Variants in SEPTIN10 observed in about 807,000 individuals in gnomAD.
SEPTIN10 encodes septin 10.
Under a neutral mutation model 54.8 loss-of-function variants are expected in SEPTIN10, and 66 were observed. That is an observed-to-expected ratio of 1.21 (90% confidence interval 0.99 to 1.48). The LOEUF (loss-of-function observed/expected upper bound fraction) is 1.48, where lower values mean the gene tolerates loss of function less well. Among genes scored for constraint, SEPTIN10 ranks in the 40% most tolerant of loss-of-function variants. The pLI is 0.00. For synonymous variants in SEPTIN10, 161 were observed against 181.0 expected (o/e 0.89, Z 0.89); for missense variants, 620 against 545.6 (o/e 1.14, Z -1.36).
intron 2 of SEPTIN10, among the ~76,000 whole-genome samples, chr2:109,592,141 T>C (rs935931730): frequency 6.6e-6 from 1 of 151,966 alleles, no homozygotes; most frequent in African/African-American, 2.4e-5. Flanking sequence ...AGGAGTTCTA[T>C]GCACCCACCA....
intron 10 of SEPTIN10, chr2:109,545,281 A>C (rs1680893883): frequency 7.0e-7 from 1 of 1,418,942 alleles, no homozygotes; most frequent in Non-Finnish European, 9.2e-7. Context: ...AGGGATACTT[A>C]AGTGGGAGAA....
At chr2:109,609,170 T>C (rs1158993492) in intron 1 of SEPTIN10, among the ~76,000 whole-genome samples, 1 of 152,212 alleles carries the variant, frequency 6.6e-6, no homozygotes, top group Non-Finnish European at 1.5e-5. Flanking sequence ...GGGGCTTCAT[T>C]AGAACATAAG....
rs547602200 is a variant in SEPTIN10, at chr2:109,557,829, A to G, written c.1029-4610T>C. Among the ~76,000 whole-genome samples the G allele has an allele frequency of 3.3e-5, 5 of 151,992 alleles. No individual in the cohort carries two copies. The East Asian group carries it at 5.8e-4, about 18-fold the overall frequency. ...ATACTATTCCCTTTTCTAGCATAAA[A>G]GTAGCTTGCTGTCATAATTTTCTTT... On this transcript the variant is annotated intron_variant, in intron 8 of 10. Coordinates refer to ENST00000397712, the MANE Select transcript of SEPTIN10 (RefSeq NM_144710.5).
At chr2:109,585,879 AC>A (rs764696133) in intron 2 of SEPTIN10, 41 bp from the exon 3 acceptor site, 3 of 1,510,198 alleles carry the variant, frequency 2.0e-6, no homozygotes, top group East Asian at 2.3e-5. Flanking sequence ...AATAAAAAAA[AC>A]AACTTTGACT....
intron 3 of SEPTIN10, 77 bp downstream of exon 3, chr2:109,585,644 G>C: frequency 3.1e-6 from 3 of 974,948 alleles, no homozygotes; most frequent in Non-Finnish European, 4.9e-6. Context: ...CATGAGCATT[G>C]TTCTGCCCAT....
intron 1 of SEPTIN10, among the ~76,000 whole-genome samples, chr2:109,596,190 C>A (rs557377662): frequency 6.6e-5 from 10 of 152,202 alleles, no homozygotes; most frequent in African/African-American, 1.9e-4. Context: ...CACCACCACA[C>A]CCGGCTGAAA....
chr2:109,551,286 T>C (rs1045113742), intron 9 of SEPTIN10, among the ~76,000 whole-genome samples: 1 of 152,248 alleles, frequency 6.6e-6, no homozygotes, highest in South Asian at 2.1e-4. Context: ...ACAACAATAT[T>C]GGCAAGGACA....
At chr2:109,555,590 T>C (rs1292086878) in intron 8 of SEPTIN10, among the ~76,000 whole-genome samples, 1 of 152,206 alleles carries the variant, frequency 6.6e-6, no homozygotes, top group Non-Finnish European at 1.5e-5. Context: ...ACAAACTGCG[T>C]CTGCCATCCA....
At chr2:109,597,357 A>T (rs1695538638) in intron 1 of SEPTIN10, among the ~76,000 whole-genome samples, 2 of 152,226 alleles carry the variant, frequency 1.3e-5, no homozygotes, top group South Asian at 4.1e-4. Context: ...TTAGAAAAAA[A>T]TTAAAAATCT....
chr2:109,600,915 C>T (rs1414421698), intron 1 of SEPTIN10, among the ~76,000 whole-genome samples: 1 of 152,170 alleles, frequency 6.6e-6, no homozygotes, highest in Non-Finnish European at 1.5e-5. Context: ...TTAAAAGATA[C>T]AAATAAACAG....
intron 5 of SEPTIN10, among the ~76,000 whole-genome samples, chr2:109,569,385 C>T (rs957418207): frequency 3.4e-5 from 5 of 149,192 alleles, no homozygotes; most frequent in Non-Finnish European, 4.4e-5. Flanking sequence ...GAGCCGAGAT[C>T]GCGTCATTGC....
intron 1 of SEPTIN10, among the ~76,000 whole-genome samples, chr2:109,608,511 G>A (rs1226453891): frequency 1.3e-5 from 2 of 152,168 alleles, no homozygotes; most frequent in Non-Finnish European, 2.9e-5. Context: ...AAGTTCCTTG[G>A]TCATATGATC....
intron 8 of SEPTIN10, among the ~76,000 whole-genome samples, chr2:109,557,165 TATA>T (rs1684563884): frequency 6.6e-6 from 1 of 151,842 alleles, no homozygotes; most frequent in South Asian, 2.1e-4. Flanking sequence ...GAACTTAAAG[TATA>T]ATAAAAAAAA....
At chr2:109,576,689 T>C (rs1346752213) in intron 4 of SEPTIN10, among the ~76,000 whole-genome samples, 1 of 152,302 alleles carries the variant, frequency 6.6e-6, no homozygotes, top group East Asian at 1.9e-4. Flanking sequence ...TAACCATAAA[T>C]GTACCTCTAT....
At chr2:109,594,744 C>G (rs1694935312) in intron 1 of SEPTIN10, 1 of 152,078 alleles carries the variant, frequency 6.6e-6, no homozygotes. Flanking sequence ...CGCACATGCA[C>G]ACACACACAC....
chr2:109,579,213 C>T (rs989105683), intron 4 of SEPTIN10, among the ~76,000 whole-genome samples: 4 of 152,122 alleles, frequency 2.6e-5, no homozygotes, highest in African/African-American at 9.7e-5. Flanking sequence ...TTATAACTTA[C>T]AAAACTGTCT....
At chr2:109,589,893 T>A (rs1693528100) in intron 2 of SEPTIN10, among the ~76,000 whole-genome samples, 1 of 152,070 alleles carries the variant, frequency 6.6e-6, no homozygotes, top group African/African-American at 2.4e-5. Context: ...AACTGTAGTA[T>A]ACTAAACTAC....
At chr2:109,579,976 C>T (rs1338396080) in intron 4 of SEPTIN10, among the ~76,000 whole-genome samples, 2 of 151,654 alleles carry the variant, frequency 1.3e-5, no homozygotes, top group South Asian at 4.2e-4. Context: ...CAAAAATTAG[C>T]TGGGCGTGGT....
chr2:109,593,988 T>G (rs1452588896), intron 1 of SEPTIN10, among the ~76,000 whole-genome samples: 1 of 152,194 alleles, frequency 6.6e-6, no homozygotes, highest in Non-Finnish European at 1.5e-5. Flanking sequence ...ACAGCCTAGA[T>G]GAAAAAATTC....
Sources: gnomAD v4.1 joint callset for allele counts (sites outside exome capture counted in the v4.1 genomes callset) on GRCh38, gnomAD v4.1.1 for gene constraint, MANE v1.5 for transcripts, NCBI Gene and HGNC (gene_info 2026-07-23, HGNC 2026-07-21) for gene names.